The following SEPTIN9 variants were observed in gnomAD, a reference collection of about 807,000 sequenced individuals.
The protein encoded by SEPTIN9 is septin-9.
SEPTIN9 carries 13 observed loss-of-function variants against 56.6 expected under a neutral mutation model. The ratio of observed to expected loss-of-function variants is 0.23; its 90% CI spans 0.15 to 0.37. The LOEUF is 0.37. SEPTIN9 is among the 10% of genes least tolerant of loss of function. The pLI, the probability that SEPTIN9 is intolerant of heterozygous loss-of-function variation, is 1.00. For missense variants in SEPTIN9, 650 were observed against 823.1 expected, an observed-to-expected ratio of 0.79 and a Z score of 2.57; for synonymous variants, 332 against 334.1, an observed-to-expected ratio of 0.99 and a Z score of 0.07.
At chr17:77,498,239 A>G (rs1015795905) in intron 11 of SEPTIN9, among the ~76,000 whole-genome samples, 26 of 151,970 alleles carry the variant, frequency 1.7e-4, no homozygotes, top group African/African-American at 6.3e-4. Flanking sequence ...CCCTGGACCC[A>G]GGGCCATAGG....
intron 3 of SEPTIN9, among the ~76,000 whole-genome samples, chr17:77,432,945 G>C (rs1304480071): frequency 1.3e-5 from 2 of 152,204 alleles, no homozygotes; most frequent in Non-Finnish European, 2.9e-5. Context: ...GGACAGTTCA[G>C]GGCTGGGGGT....
intron 2 of SEPTIN9, among the ~76,000 whole-genome samples, chr17:77,387,773 G>A (rs926964828): frequency 8.5e-5 from 13 of 152,180 alleles, no homozygotes; most frequent in African/African-American, 2.7e-4. Context: ...CTTGATGGGT[G>A]AGTGTGTGAA....
chr17:77,304,863 G>A (rs1239275672), intron 1 of SEPTIN9, among the ~76,000 whole-genome samples: 1 of 152,178 alleles, frequency 6.6e-6, no homozygotes. Context: ...GGTGTGTGAA[G>A]GGGGTGCTCA....
chr17:77,341,619 A>T (rs2033726880), intron 2 of SEPTIN9, among the ~76,000 whole-genome samples: 1 of 151,816 alleles, frequency 6.6e-6, no homozygotes, highest in Non-Finnish European at 1.5e-5. Context: ...TACTAAAAAT[A>T]CCAAAATTAG....
At position 77,445,139 on chromosome 17, in the gene SEPTIN9, C is replaced by A; in HGVS notation, c.722-37005C>A. ...GCTACTCAGGGTTTCCCCAGCCTGC[C>A]AACCCAAGGGTGGCAGGAGCTGTGG... On this transcript the variant is annotated intron_variant, in intron 3 of 11. Transcript: ENST00000427177. The surrounding 1 kb of genome is among the most constrained non-coding windows in gnomAD (Gnocchi z 4.7). 2.1e-6 allele frequency: 1 copy of A among 468,470 alleles called. No homozygotes were observed. The highest frequency in any genetic ancestry group is 4.4e-6 in the Non-Finnish European group (1 of 225,232). The allele number at this position is 468,470 out of a possible 1,614,324, so 29.0% of individuals were successfully genotyped here.
chr17:77,282,749 G>A (rs2031088734), intron 1 of SEPTIN9, among the ~76,000 whole-genome samples: 1 of 152,254 alleles, frequency 6.6e-6, no homozygotes. Context: ...TGTCAGGAGC[G>A]TGGGTGGGTT....
rs1033504071 is a variant in SEPTIN9, at chr17:77,500,081, C to T, written c.*1423C>T. 7 of 233,866 alleles carry T rather than the reference C, an allele frequency of 3.0e-5. No homozygotes were observed. The highest frequency in any genetic ancestry group is 1.5e-4 in the African/African-American group (7 of 45,276). 14.5% of individuals were successfully genotyped at this position (233,866 alleles called of 1,614,324 possible). A position where few individuals can be genotyped will look rare whatever the true frequency, so the allele number is the denominator to read the frequency against. On this transcript the variant is annotated 3_prime_UTR_variant, in exon 12 of 12. Coordinates refer to ENST00000427177, the MANE Select transcript of SEPTIN9 (RefSeq NM_001113491.2). ...GAGAAAGAGGGGCCTGATGAGACTC[C>T]ACTCAGGTGCACACATCACCAGGTG...
intron 3 of SEPTIN9, among the ~76,000 whole-genome samples, chr17:77,417,102 C>T (rs1441274684): frequency 6.6e-6 from 1 of 152,200 alleles, no homozygotes; most frequent in Non-Finnish European, 1.5e-5. Context: ...CCAATCTGGC[C>T]TCCCTGTCCT....
intron 3 of SEPTIN9, among the ~76,000 whole-genome samples, chr17:77,441,359 C>G (rs552085062): frequency 6.6e-6 from 1 of 152,198 alleles, no homozygotes; most frequent in Non-Finnish European, 1.5e-5. Context: ...GCCCCTGCCC[C>G]GGAGGGAAAA....
intron 2 of SEPTIN9, among the ~76,000 whole-genome samples, chr17:77,343,942 G>A (rs528389082): frequency 6.6e-6 from 1 of 152,322 alleles, no homozygotes; most frequent in African/African-American, 2.4e-5. Context: ...GAAAACATAG[G>A]AGGAAAGCTT....
chr17:77,366,926 C>T (rs774619388), intron 2 of SEPTIN9, among the ~76,000 whole-genome samples: 36 of 152,196 alleles, frequency 2.4e-4, no homozygotes, highest in Admixed American at 1.3e-4. Flanking sequence ...TTTAAAAAGT[C>T]CCCTGCCTTG....
chr17:77,287,234 G>T (rs1214831679), intron 1 of SEPTIN9, among the ~76,000 whole-genome samples: 1 of 152,256 alleles, frequency 6.6e-6, no homozygotes, highest in Non-Finnish European at 1.5e-5. Flanking sequence ...CATGGGGATC[G>T]TGTGTCACCC....
chr17:77,443,883 G>A (rs897140849), intron 3 of SEPTIN9, among the ~76,000 whole-genome samples: 1 of 152,226 alleles, frequency 6.6e-6, no homozygotes, highest in Non-Finnish European at 1.5e-5. Flanking sequence ...GGGAGGTAGG[G>A]CGAGCACTTC....
At chr17:77,486,085 G>A (rs922539144) in intron 4 of SEPTIN9, among the ~76,000 whole-genome samples, 1 of 151,974 alleles carries the variant, frequency 6.6e-6, no homozygotes, top group African/African-American at 2.4e-5. Flanking sequence ...CAAAGTGCTG[G>A]GATTACAGGC....
intron 2 of SEPTIN9, chr17:77,373,076 AG>A: frequency 2.0e-6 from 1 of 503,580 alleles, no homozygotes; most frequent in Non-Finnish European, 2.6e-6. Context: ...GCCCGGGGGG[AG>A]GGGCTGAGGC....
At chr17:77,443,858 A>G (rs2037638990) in intron 3 of SEPTIN9, among the ~76,000 whole-genome samples, 2 of 152,130 alleles carry the variant, frequency 1.3e-5, no homozygotes, top group South Asian at 4.1e-4. Flanking sequence ...TGCTTGTGGA[A>G]AGTTGCAACT....
rs150078816 is a variant in SEPTIN9, at chr17:77,309,032, C to T, written c.76+1835C>T. ...CACTAACCACTGGACAGCCCAGCCGCTGCTGTGTTTCTGGGGAGCTTTTCT... is the reference window on the plus strand; with the variant it reads ...CACTAACCACTGGACAGCCCAGCCGTTGCTGTGTTTCTGGGGAGCTTTTCT... On this transcript the variant is annotated intron_variant, in intron 2 of 11. Transcript: ENST00000427177. 1.1e-3 allele frequency among the ~76,000 whole-genome samples: 164 copies of T among 152,400 alleles called. 2 individuals carry two copies. The highest frequency in any genetic ancestry group is 3.7e-3 in the African/African-American group (155 of 41,604).
chr17:77,485,065 A>C (rs796576855), intron 4 of SEPTIN9, among the ~76,000 whole-genome samples: 1 of 484 alleles, frequency 2.1e-3, no homozygotes, highest in Admixed American at 0.026. Context: ...TGGTGGTGGT[A>C]ATGGTGATGG....
At chr17:77,391,204 C>T (rs1410516801) in intron 2 of SEPTIN9, among the ~76,000 whole-genome samples, 3 of 152,122 alleles carry the variant, frequency 2.0e-5, no homozygotes, top group South Asian at 2.1e-4. Flanking sequence ...TCAGAATTGA[C>T]GGGACACTGA....
Sources: gnomAD v4.1 joint callset for allele counts (sites outside exome capture counted in the v4.1 genomes callset) on GRCh38, gnomAD v4.1.1 for gene constraint, Gnocchi (gnomAD v3.1) non-coding constraint, MANE v1.5 for transcripts, NCBI Gene and HGNC (gene_info 2026-07-23, HGNC 2026-07-21) for gene names.